Variants in SP3 observed in about 807,000 individuals in gnomAD.
The protein encoded by SP3 is transcription factor Sp3.
Under a neutral mutation model 70.3 loss-of-function variants are expected in SP3, and 10 were observed. The observed-to-expected ratio is 0.14, with a 90% CI of 0.09 to 0.24. The LOEUF is 0.24. Among genes scored for constraint, SP3 ranks in the 10% least tolerant of loss-of-function variants. The pLI, the probability that SP3 is intolerant of heterozygous loss-of-function variation, is 1.00. For missense variants in SP3, 825 were observed against 914.6 expected, an observed-to-expected ratio of 0.90 and a Z score of 1.26; for synonymous variants, 402 against 333.5, an observed-to-expected ratio of 1.21 and a Z score of -2.24.
In SP3 at chr2:173,964,472, T is replaced by C. The variant is rs1379829667; in HGVS notation, c.89A>G (p.His30Arg). ...TTGCTGCTGCTGCAGATACTCGCCG[T>C]GGCCGCCGCCGCCGCCACCGCCGCC... ...SGGGGGGGGG[H>R]GEYLQQQQQH... Residue 30 changes from histidine to arginine, a missense_variant, in exon 2 of 7, where the codon CAC becomes CGC. By Grantham distance (29) the His-to-Arg change is conservative (BLOSUM62 0). Around this residue, in one of 4 missense-constraint regions of SP3, gnomAD observed 678 missense variants for 651.6 expected, o/e 1.04. Coordinates refer to ENST00000310015, the MANE Select transcript of SP3 (RefSeq NM_003111.5). 6 of 627,166 alleles carry C rather than the reference T, an allele frequency of 9.6e-6. No homozygotes were observed. Among genetic ancestry groups the C allele is most frequent in the Admixed American group, 6.3e-5 (3 of 47,430 alleles). The allele number at this position is 627,166 out of a possible 1,614,324, so 38.9% of individuals were successfully genotyped here. A position where few individuals can be genotyped will look rare whatever the true frequency, so the allele number is the denominator to read the frequency against.
chr2:173,952,500 T>C (rs770279830), intron 4 of SP3, among the ~76,000 whole-genome samples: 13 of 152,170 alleles, frequency 8.5e-5, no homozygotes, highest in Admixed American at 4.6e-4. Context: ...TAAAACGGTA[T>C]GGTCTCTTTG....
At position 173,918,646 on chromosome 2, in the gene SP3, T is replaced by C. The variant is rs59355182; in HGVS notation, c.1779A>G (p.Lys593=). Residue 593 remains lysine (K), a synonymous_variant, in exon 5 of 7, where the codon AAA becomes AAG. Transcript: ENST00000310015. ...AGGTGCAAGCTACCCTCCGAAGTCTTTTTCCTTCTTGATGTTGTTGGTCCC... is the reference window on the plus strand; with the variant it reads ...AGGTGCAAGCTACCCTCCGAAGTCTCTTTCCTTCTTGATGTTGTTGGTCCC... ...EEGDQQHQEG[K]RLRRVACTCP... 2.9e-4 allele frequency: 474 copies of C among 1,613,860 alleles called. 2 individuals are homozygous for C. The African/African-American group carries it at 5.6e-3, about 19-fold the overall frequency.
chr2:173,908,757 G>GA lies in SP3; in HGVS notation c.*1183dup, dbSNP rs776735540. ...ACTTTATTTTGTACATTTTTGAATT[G>GA]AAAATATAAACAATAATTAAAAAAT... is the stretch of plus-strand genomic sequence containing the variant. On this transcript the variant is annotated 3_prime_UTR_variant, in exon 7 of 7. Coordinates refer to ENST00000310015, the MANE Select transcript of SP3 (RefSeq NM_003111.5). 2.0e-5 allele frequency: 3 copies of GA among 151,748 alleles called. No individual in the cohort carries two copies. The highest frequency in any genetic ancestry group is 6.9e-3 in the Middle Eastern group (2 of 290). 9.4% of individuals were successfully genotyped at this position (151,748 alleles called of 1,614,324 possible).
intron 3 of SP3, among the ~76,000 whole-genome samples, chr2:173,962,588 A>G (rs73030159): frequency 0.016 from 2,478 of 152,306 alleles, 73 homozygotes; most frequent in African/African-American, 0.057. Flanking sequence ...CACATCCCCT[A>G]TAACGAAGCA....
intron 3 of SP3, among the ~76,000 whole-genome samples, chr2:173,957,230 T>C (rs968082275): frequency 6.6e-6 from 1 of 152,128 alleles, no homozygotes; most frequent in Admixed American, 6.5e-5. Flanking sequence ...TGAACGTAAT[T>C]TACCAAGATG....
chr2:173,964,777 C>T (rs1691234910), intron 1 of SP3: 2 of 443,320 alleles, frequency 4.5e-6, no homozygotes, highest in Non-Finnish European at 7.9e-6. Flanking sequence ...CTCTTTCCCT[C>T]CTCCTCCTCC....
intron 1 of SP3, 135 bp downstream of exon 1, chr2:173,965,030 G>T: frequency 1.7e-6 from 2 of 1,185,512 alleles, no homozygotes; most frequent in Non-Finnish European, 2.4e-6. Context: ...GCAGGGGAGT[G>T]CAGCTTTCTG....
In SP3 at chr2:173,956,509, T is replaced by C. The variant is rs142642096; in HGVS notation, c.280-277A>G. Among the ~76,000 whole-genome samples, 959 of 152,286 alleles carry C rather than the reference T, an allele frequency of 6.3e-3. 10 individuals carry two copies. The highest frequency in any genetic ancestry group is 0.022 in the African/African-American group (894 of 41,568). On this transcript the variant is annotated intron_variant, in intron 3 of 6. Coordinates refer to ENST00000310015, the MANE Select transcript of SP3 (RefSeq NM_003111.5). ...CAATTTTCTAATCCTGCATCTATGA[T>C]CTCTAACACTACACAGTTAAAACAC...
chr2:173,933,874 C>A (rs1553516884), intron 4 of SP3, among the ~76,000 whole-genome samples: 1 of 151,712 alleles, frequency 6.6e-6, no homozygotes, highest in Non-Finnish European at 1.5e-5. Flanking sequence ...AATAAAATTT[C>A]TTTACCATGG....
intron 4 of SP3, among the ~76,000 whole-genome samples, chr2:173,926,691 A>T (rs1261403000): frequency 2.6e-5 from 4 of 152,016 alleles, no homozygotes; most frequent in African/African-American, 7.3e-5. Flanking sequence ...TTAAGTAATT[A>T]AAAAAAATTT....
intron 4 of SP3, among the ~76,000 whole-genome samples, chr2:173,937,450 CAAGT>C: frequency 6.6e-6 from 1 of 152,160 alleles, no homozygotes; most frequent in Admixed American, 6.5e-5. Flanking sequence ...ACTTGTGAAT[CAAGT>C]AAGTATACAA....
At chr2:173,949,948 G>T (rs79396059) in intron 4 of SP3, among the ~76,000 whole-genome samples, 1,551 of 152,236 alleles carry the variant, frequency 0.01, 29 homozygotes, top group African/African-American at 0.035. Context: ...CTTAAATTTG[G>T]GGGAAATTTT....
At chr2:173,936,652 C>T (rs888071831) in intron 4 of SP3, among the ~76,000 whole-genome samples, 1 of 152,180 alleles carries the variant, frequency 6.6e-6, no homozygotes, top group Non-Finnish European at 1.5e-5. Flanking sequence ...GAAAAAAATG[C>T]TGCTTCCTTT....
intron 4 of SP3, among the ~76,000 whole-genome samples, chr2:173,935,015 A>AT (rs1434075425): frequency 6.6e-6 from 1 of 152,218 alleles, no homozygotes; most frequent in African/African-American, 2.4e-5. Flanking sequence ...TGCTTAGGGA[A>AT]TAAGTGTACT....
chr2:173,940,337 G>C (rs1690334618), intron 4 of SP3, among the ~76,000 whole-genome samples: 1 of 152,212 alleles, frequency 6.6e-6, no homozygotes, highest in African/African-American at 2.4e-5. Flanking sequence ...TAAGGAGCTT[G>C]CAACCTAGAT....
Position 173,908,776 on chromosome 2 carries a change from A to T in SP3, c.*1165T>A, listed in dbSNP as rs1357096983. ...TGAATTGAAAATATAAACAATAATT[A>T]AAAAATAAAAAGAAAATACAGCATA... On this transcript the variant is annotated 3_prime_UTR_variant, in exon 7 of 7. Transcript: ENST00000310015. 6.6e-6 allele frequency: 1 copy of T among 152,386 alleles called. No homozygotes were observed. Among genetic ancestry groups the T allele is most frequent in the African/African-American group, 2.4e-5 (1 of 41,434 alleles). 9.4% of individuals were successfully genotyped at this position (152,386 alleles called of 1,614,324 possible).
At position 173,955,987 on chromosome 2, in the gene SP3, C is replaced by A; in HGVS notation, c.525G>T (p.Gln175His). 6.2e-7 allele frequency: 1 copy of A among 1,614,212 alleles called. No individual in the cohort carries two copies. The highest frequency in any genetic ancestry group is 8.5e-7 in the Non-Finnish European group (1 of 1,180,018). ...VSSVQYQVIP[Q>H]IQSADGQQVQ... Reference sequence around the variant, plus strand: ...CCTGCTGACCATCTGCTGACTGGATCTGTGGTATCACTTGATATTGAACAC... The same window carrying A: ...CCTGCTGACCATCTGCTGACTGGATATGTGGTATCACTTGATATTGAACAC... Residue 175 changes from glutamine (Q) to histidine (H), a missense_variant, in exon 4 of 7, where the codon CAG (glutamine) becomes CAT (histidine). Physicochemically the swap from Gln to His is conservative, Grantham distance 24. Transcript: ENST00000310015.
chr2:173,917,994 T>C lies in SP3; in HGVS notation c.1832+599A>G, dbSNP rs1689654337. 2.0e-5 allele frequency among the ~76,000 whole-genome samples: 3 copies of C among 151,270 alleles called. No individual in the cohort carries two copies. The East Asian group carries it at 5.8e-4, about 29-fold the overall frequency. On this transcript the variant is annotated intron_variant, in intron 5 of 6. Coordinates refer to ENST00000310015, the MANE Select transcript of SP3 (RefSeq NM_003111.5). Reference sequence around the variant, plus strand: ...ATTAACATCAGTCTGGATCTTGTTTTTTTTTTTAAAAAAAATATGATCTGA... The same window carrying C: ...ATTAACATCAGTCTGGATCTTGTTTCTTTTTTTAAAAAAAATATGATCTGA...
chr2:173,905,833 TACAAA>T lies in SP3; in HGVS notation c.*4103_*4107del, dbSNP rs1168764956. Among the ~76,000 whole-genome samples the T allele has an allele frequency of 6.6e-6, 1 of 152,136 alleles. No homozygotes were observed. Among genetic ancestry groups the T allele is most frequent in the Non-Finnish European group, 1.5e-5 (1 of 68,018 alleles). On this transcript the variant is annotated 3_prime_UTR_variant, in exon 7 of 7. Coordinates refer to ENST00000310015, the MANE Select transcript of SP3 (RefSeq NM_003111.5). ...AGGCAATATAGTGAGACCCCATCTC[TACAAA>T]ACAAATTAAAATTAACTGAGCATGG...
Sources: allele counts gnomAD v4.1 joint callset (sites outside exome capture counted in the v4.1 genomes callset), GRCh38; gene constraint gnomAD v4.1.1; regional missense constraint gnomAD v4.1.1; transcripts MANE v1.5; gene names NCBI Gene and HGNC (gene_info 2026-07-23, HGNC 2026-07-21).